COL5A1: variants seen among roughly 807,000 people sequenced by gnomAD.
The protein encoded by COL5A1 is collagen type V alpha 1 chain.
In COL5A1, 16 loss-of-function variants were observed where a neutral mutation model predicts 263.7. That is an observed-to-expected ratio of 0.06 (90% CI 0.04 to 0.09). The LOEUF is 0.09. COL5A1 is among the 10% of genes least tolerant of loss of function. COL5A1 has a pLI of 1.00. For synonymous variants in COL5A1, 1,012 were observed against 1,004.5 expected (o/e 1.01, Z -0.14); for missense variants, 2,036 against 2,540.5 (o/e 0.80, Z 4.27).
intron 4 of COL5A1, among the ~76,000 whole-genome samples, chr9:134,714,777 GGTGGTGGTGGAGGTGATT>G (rs1274468072): frequency 6.6e-6 from 1 of 150,550 alleles, no homozygotes; most frequent in Non-Finnish European, 1.5e-5. Flanking sequence ...TGCTGGTGAA[GGTGGTGGTGGAGGTGATT>G]GTGGTGGTGG....
At chr9:134,776,457 T>C (rs566641866) in intron 27 of COL5A1, among the ~76,000 whole-genome samples, 1 of 152,320 alleles carries the variant, frequency 6.6e-6, no homozygotes, top group Non-Finnish European at 1.5e-5. Flanking sequence ...CCAGTTAGAC[T>C]TGGAAGCAGA....
At chr9:134,750,934 G>C in intron 13 of COL5A1, 52 bp downstream of exon 13, 2 of 1,481,428 alleles carry the variant, frequency 1.4e-6, no homozygotes, top group Non-Finnish European at 9.4e-7. Flanking sequence ...CCCAGCCCCA[G>C]GGGCCAACAG....
At chr9:134,831,677 T>TG (rs1264309935) in intron 64 of COL5A1, among the ~76,000 whole-genome samples, 1 of 152,190 alleles carries the variant, frequency 6.6e-6, no homozygotes, top group Admixed American at 6.5e-5. Flanking sequence ...CTCCCCGCAA[T>TG]GACAGCTCTC....
At chr9:134,752,067 G>C (rs1034444694) in intron 13 of COL5A1, among the ~76,000 whole-genome samples, 5 of 152,218 alleles carry the variant, frequency 3.3e-5, no homozygotes, top group Non-Finnish European at 5.9e-5. Context: ...AAAGCGGTGG[G>C]CCCTGCACTG....
rs950741464 is a variant in COL5A1 at position 134,841,075 on chromosome 9, C to T, written c.5371-1082C>T. Among the ~76,000 whole-genome samples, 12 of 152,202 alleles carry T rather than the reference C, an allele frequency of 7.9e-5. No individual in the cohort carries two copies. The highest frequency in any genetic ancestry group is 2.9e-4 in the African/African-American group (12 of 41,458). ...GGGCTGCATCCTGGGGTCACTGCCT[C>T]CCATCCGGGAGGGAACCCTGGCTGG... On this transcript the variant is annotated intron_variant, in intron 65 of 65. Transcript: ENST00000371817. This position sits in a 1 kb window ranked among gnomAD's most constrained non-coding sequence, Gnocchi z 4.8.
intron 1 of COL5A1, among the ~76,000 whole-genome samples, chr9:134,644,820 C>T (rs1468442459): frequency 6.6e-6 from 1 of 152,296 alleles, no homozygotes; most frequent in East Asian, 1.9e-4. Context: ...CTCCTCTACA[C>T]GCCATTGGTT....
At chr9:134,802,250 G>A (rs1401975727) in intron 38 of COL5A1, among the ~76,000 whole-genome samples, 2 of 152,250 alleles carry the variant, frequency 1.3e-5, no homozygotes, top group Non-Finnish European at 2.9e-5. Flanking sequence ...AAGGCTCACA[G>A]GGTGGCTGGG....
chr9:134,671,381 C>T (rs1371123596), intron 1 of COL5A1, among the ~76,000 whole-genome samples: 1 of 152,186 alleles, frequency 6.6e-6, no homozygotes, highest in Non-Finnish European at 1.5e-5. Context: ...GTTATGTGTT[C>T]ATTCAGGGCC....
At chr9:134,648,142 C>T (rs920808396) in intron 1 of COL5A1, among the ~76,000 whole-genome samples, 3 of 151,998 alleles carry the variant, frequency 2.0e-5, no homozygotes, top group Admixed American at 6.6e-5. Flanking sequence ...ACATCTTTCT[C>T]CTGTGCTGGA....
chr9:134,665,838 A>C (rs1311959942), intron 1 of COL5A1, among the ~76,000 whole-genome samples: 2 of 152,272 alleles, frequency 1.3e-5, no homozygotes, highest in Non-Finnish European at 2.9e-5. Flanking sequence ...CTCTAATCCC[A>C]GCACTTTGGG....
chr9:134,776,919 C>T (rs1356841284), intron 27 of COL5A1, among the ~76,000 whole-genome samples: 1 of 152,192 alleles, frequency 6.6e-6, no homozygotes, highest in Non-Finnish European at 1.5e-5. Flanking sequence ...CACCCTGGGG[C>T]CTCTGGTAAA....
chr9:134,752,430 G>T (rs1055985292), intron 13 of COL5A1, among the ~76,000 whole-genome samples, 159 bp from the exon 14 acceptor site: 2 of 147,754 alleles, frequency 1.4e-5, no homozygotes, highest in South Asian at 2.1e-4. Flanking sequence ...GGGGGGGGGG[G>T]GCCCTTGGGG....
At chr9:134,740,251 A>C (rs1200480416) in intron 11 of COL5A1, among the ~76,000 whole-genome samples, 1 of 151,814 alleles carries the variant, frequency 6.6e-6, no homozygotes, top group Non-Finnish European at 1.5e-5. Context: ...CCAGACAGGC[A>C]ACAGCGAGTG....
In COL5A1 at chr9:134,761,913, T is replaced by C; in HGVS notation, c.1936-12T>C. The C allele has an allele frequency of 6.2e-7, 1 of 1,613,132 alleles. No homozygotes were observed. Among genetic ancestry groups the C allele is most frequent in the Non-Finnish European group, 8.5e-7 (1 of 1,179,748 alleles). ...CTCAGGAGAGGCTGACGTTGACCCT[T>C]TCACTTCCTAGGGTGACCCTGGTCC... On this transcript the variant is annotated splice_polypyrimidine_tract_variant and intron_variant, in intron 18 of 65. Coordinates refer to ENST00000371817, the MANE Select transcript of COL5A1 (RefSeq NM_000093.5).
At chr9:134,708,768 C>T (rs181935303) in intron 4 of COL5A1, 104 of 466,076 alleles carry the variant, frequency 2.2e-4, no homozygotes, top group East Asian at 1.5e-3. Flanking sequence ...TGTCACAGCC[C>T]GGTGGCAAAC....
chr9:134,714,052 C>T (rs189114625), intron 4 of COL5A1, among the ~76,000 whole-genome samples: 172 of 152,362 alleles, frequency 1.1e-3, no homozygotes, highest in Middle Eastern at 6.8e-3. Context: ...CCTCCCAAGT[C>T]TTCTCCCTTG....
At chr9:134,782,586 GGTT>G in intron 28 of COL5A1, 78 bp from the exon 29 acceptor site, 2 of 1,316,762 alleles carry the variant, frequency 1.5e-6, no homozygotes, top group Non-Finnish European at 2.2e-6. Context: ...TGCTGAGTGT[GGTT>G]GTTTGGAGCG....
At chr9:134,811,725 G>C in intron 46 of COL5A1, 126 bp downstream of exon 46, 2 of 815,086 alleles carry the variant, frequency 2.5e-6, no homozygotes, top group Non-Finnish European at 4.1e-6. Context: ...GGGCCTCCTG[G>C]GCCTCCTCAT....
chr9:134,786,115 T>C (rs1837450019), intron 31 of COL5A1, 67 bp downstream of exon 31: 6 of 1,414,074 alleles, frequency 4.2e-6, no homozygotes, highest in Non-Finnish European at 5.9e-6. Flanking sequence ...CTCCCCACCC[T>C]GCATCCGGCC....
Sources: allele counts gnomAD v4.1 joint callset (sites outside exome capture counted in the v4.1 genomes callset), GRCh38; gene constraint gnomAD v4.1.1; non-coding constraint Gnocchi (gnomAD v3.1); transcripts MANE v1.5; gene names NCBI Gene and HGNC (gene_info 2026-07-23, HGNC 2026-07-21).